Variants in KIAA1217 observed in about 807,000 individuals in gnomAD.
KIAA1217 encodes sickle tail protein homolog.
In KIAA1217, 88 loss-of-function variants were observed where a neutral mutation model predicts 163.9. The ratio of observed to expected loss-of-function variants is 0.54; its 90% CI spans 0.45 to 0.64. The LOEUF (loss-of-function observed/expected upper bound fraction) is 0.64, where lower values mean the gene tolerates loss of function less well. Among genes scored for constraint, KIAA1217 ranks in the 30% least tolerant of loss-of-function variants. KIAA1217 has a pLI of 0.00. For synonymous variants in KIAA1217, 903 were observed against 923.1 expected (o/e 0.98, Z 0.39); for missense variants, 2,372 against 2,475.0 (o/e 0.96, Z 0.88).
At chr10:24,527,416 C>T (rs1321143055) in intron 13 of KIAA1217, among the ~76,000 whole-genome samples, 2 of 146,230 alleles carry the variant, frequency 1.4e-5, no homozygotes, top group African/African-American at 5.0e-5. Flanking sequence ...GAGTGAGACT[C>T]ATGTCTCACT....
intron 2 of KIAA1217, chr10:24,157,724 A>G (rs1441668407): frequency 7.5e-6 from 2 of 267,858 alleles, no homozygotes; most frequent in East Asian, 1.6e-4. Flanking sequence ...TATAACTCTC[A>G]GTATAGCTAA....
At chr10:23,733,169 A>G (rs907841066) in intron 1 of KIAA1217, among the ~76,000 whole-genome samples, 1 of 151,986 alleles carries the variant, frequency 6.6e-6, no homozygotes, top group Non-Finnish European at 1.5e-5. Flanking sequence ...GCCCGCCACC[A>G]CACCCGGCTA....
Position 24,381,003 on chromosome 10 carries a change from C to G in KIAA1217, c.489C>G (p.Gly163=). 6.2e-7 allele frequency: 1 copy of G among 1,608,696 alleles called. No homozygotes were observed. ...EGDAPTPFSR[G]SRTRASLPVV... ...ATGCTCCAACCCCTTTTTCCAGAGG[C>G]AGCCGGACTCGTGCGAGCCTTCCTG... Residue 163 remains glycine (G), a synonymous_variant, in exon 3 of 21, where the codon GGC becomes GGG. Coordinates refer to ENST00000376454, the MANE Select transcript of KIAA1217 (RefSeq NM_019590.5).
chr10:24,067,648 G>T (rs2061010723), intron 2 of KIAA1217, among the ~76,000 whole-genome samples: 1 of 152,242 alleles, frequency 6.6e-6, no homozygotes, highest in South Asian at 2.1e-4. Flanking sequence ...CATGCTGGGA[G>T]AACCACTACT....
chr10:24,014,069 T>C (rs903745431), intron 2 of KIAA1217, among the ~76,000 whole-genome samples: 4 of 152,198 alleles, frequency 2.6e-5, no homozygotes, highest in Non-Finnish European at 5.9e-5. Context: ...TACCAACACA[T>C]TCTGCAGAGC....
In KIAA1217 at chr10:24,513,513, AGTTGGTG is replaced by A. The variant is rs1262317806; in HGVS notation, c.2177+82_2177+88del. The stretch of plus-strand genomic sequence containing the variant: ...CATTACTAAGAAGGAGGTCCTTCCC[AGTTGGTG>A]GTCTTGCCCTCTCTTTATTGAGCAC... On this transcript the variant is annotated intron_variant, in intron 10 of 20. Coordinates refer to ENST00000376454, the MANE Select transcript of KIAA1217 (RefSeq NM_019590.5). 22 of 1,422,968 alleles carry A rather than the reference AGTTGGTG, an allele frequency of 1.5e-5. No individual in the cohort carries two copies. In the East Asian group the frequency reaches 4.2e-4, roughly 27 times the overall value. The allele number at this position is 1,422,968 out of a possible 1,614,324, so 88.1% of individuals were successfully genotyped here.
chr10:24,520,673 T>TAC (rs1375832036), intron 11 of KIAA1217, among the ~76,000 whole-genome samples: 2 of 82,278 alleles, frequency 2.4e-5, no homozygotes, highest in African/African-American at 5.5e-5. Flanking sequence ...TATATATATA[T>TAC]ATACACACAC....
At chr10:23,920,525 C>T (rs909082994) in intron 1 of KIAA1217, among the ~76,000 whole-genome samples, 2 of 152,192 alleles carry the variant, frequency 1.3e-5, no homozygotes, top group Admixed American at 1.3e-4. Flanking sequence ...TCACATTAGA[C>T]TTGGCCTTAG....
At chr10:24,263,799 G>C (rs535143612) in intron 2 of KIAA1217, among the ~76,000 whole-genome samples, 1 of 152,114 alleles carries the variant, frequency 6.6e-6, no homozygotes, top group South Asian at 2.1e-4. Flanking sequence ...AAAAGGTTTG[G>C]GAGGAGTATT....
At chr10:24,091,694 A>T (rs1221549349) in intron 2 of KIAA1217, among the ~76,000 whole-genome samples, 1 of 151,810 alleles carries the variant, frequency 6.6e-6, no homozygotes, top group Non-Finnish European at 1.5e-5. Flanking sequence ...ACCTCTGAGG[A>T]TAAATAGTAA....
chr10:24,111,321 T>C (rs1400442129), intron 2 of KIAA1217, among the ~76,000 whole-genome samples: 2 of 152,218 alleles, frequency 1.3e-5, no homozygotes, highest in African/African-American at 4.8e-5. Context: ...TGGCAAGATA[T>C]GTACACTGAA....
chr10:24,171,165 C>T (rs2065611439), intron 2 of KIAA1217, among the ~76,000 whole-genome samples: 1 of 152,178 alleles, frequency 6.6e-6, no homozygotes, highest in African/African-American at 2.4e-5. Context: ...TAGGTACTCC[C>T]AGAATGTGAG....
At chr10:24,166,317 G>T (rs1000726660) in intron 2 of KIAA1217, among the ~76,000 whole-genome samples, 6 of 152,130 alleles carry the variant, frequency 3.9e-5, no homozygotes, top group African/African-American at 1.4e-4. Flanking sequence ...AAAATGCACT[G>T]AAATTCATGT....
intron 2 of KIAA1217, among the ~76,000 whole-genome samples, chr10:24,130,924 A>G (rs1238086954): frequency 6.6e-6 from 1 of 152,168 alleles, no homozygotes; most frequent in East Asian, 1.9e-4. Flanking sequence ...CAAGCCTCTA[A>G]CTTTCCTTGG....
At chr10:24,296,404 G>A (rs1043069919) in intron 2 of KIAA1217, among the ~76,000 whole-genome samples, 2 of 152,112 alleles carry the variant, frequency 1.3e-5, no homozygotes, top group Admixed American at 1.3e-4. Flanking sequence ...CACTATGCCC[G>A]GCCAGGATCC....
At chr10:24,146,609 G>T (rs2064325520) in intron 2 of KIAA1217, among the ~76,000 whole-genome samples, 1 of 152,038 alleles carries the variant, frequency 6.6e-6, no homozygotes, top group Non-Finnish European at 1.5e-5. Flanking sequence ...CTTGAGCCCA[G>T]AAGGTCAAGG....
chr10:23,974,553 T>C (rs1018873629), intron 1 of KIAA1217, among the ~76,000 whole-genome samples: 3 of 152,018 alleles, frequency 2.0e-5, no homozygotes, highest in African/African-American at 7.2e-5. Flanking sequence ...TCCCATCATT[T>C]TGGGAGGCCG....
chr10:23,866,201 CG>C (rs922652661), intron 1 of KIAA1217, among the ~76,000 whole-genome samples: 66 of 152,084 alleles, frequency 4.3e-4, no homozygotes, highest in African/African-American at 1.6e-3. Flanking sequence ...TGTGTGATGT[CG>C]GGGGGAGATA....
intron 17 of KIAA1217, among the ~76,000 whole-genome samples, chr10:24,538,566 G>GAGGAAGGA (rs1220062160): frequency 0.044 from 3,646 of 83,290 alleles, 211 homozygotes; most frequent in African/African-American, 0.11. Flanking sequence ...GGGAGGGAGG[G>GAGGAAGGA]AGGAAGGAAG....
Sources: allele counts gnomAD v4.1 joint callset (sites outside exome capture counted in the v4.1 genomes callset), GRCh38; gene constraint gnomAD v4.1.1; transcripts MANE v1.5; gene names NCBI Gene and HGNC (gene_info 2026-07-23, HGNC 2026-07-21).